CRIM1: variants seen among roughly 807,000 people sequenced by gnomAD.
CRIM1 encodes cysteine-rich motor neuron 1 protein.
A neutral mutation model predicts 116.4 loss-of-function variants in CRIM1; 32 were observed. That is an observed-to-expected ratio of 0.27 (90% CI 0.21 to 0.37). The LOEUF (loss-of-function observed/expected upper bound fraction) is 0.37, where lower values mean the gene tolerates loss of function less well. Among genes scored for constraint, CRIM1 ranks in the 10% least tolerant of loss-of-function variants. The probability of loss-of-function intolerance (pLI) is 1.00; values close to 1 mark genes in which losing one functional copy is unlikely to be tolerated. For synonymous variants in CRIM1, 590 were observed against 509.2 expected (o/e 1.16, Z -2.13); for missense variants, 1,331 against 1,354.8 (o/e 0.98, Z 0.28).
At chr2:36,414,781 T>G (rs1673478784) in intron 2 of CRIM1, among the ~76,000 whole-genome samples, 1 of 152,128 alleles carries the variant, frequency 6.6e-6, no homozygotes, top group African/African-American at 2.4e-5. Context: ...TGTAGTGTAT[T>G]GAGTGAGTGT....
At chr2:36,392,765 A>AC (rs1280368735) in intron 1 of CRIM1, among the ~76,000 whole-genome samples, 1 of 152,120 alleles carries the variant, frequency 6.6e-6, no homozygotes, top group African/African-American at 2.4e-5. Context: ...TGCTAGGGAA[A>AC]CCATTTCCCA....
chr2:36,379,700 G>T (rs1670581015), intron 1 of CRIM1, among the ~76,000 whole-genome samples: 2 of 151,106 alleles, frequency 1.3e-5, no homozygotes, highest in African/African-American at 4.9e-5. Context: ...TTGAGAGGAA[G>T]GAGGTCATAA....
intron 4 of CRIM1, among the ~76,000 whole-genome samples, chr2:36,453,982 G>A (rs1456335191): frequency 6.6e-6 from 1 of 151,310 alleles, no homozygotes; most frequent in Non-Finnish European, 1.5e-5. Flanking sequence ...AAGAAAAAGG[G>A]AATTCATGAC....
intron 14 of CRIM1, among the ~76,000 whole-genome samples, chr2:36,540,966 A>T: frequency 6.6e-6 from 1 of 152,316 alleles, no homozygotes; most frequent in Middle Eastern, 3.4e-3. Flanking sequence ...AAGATTTACT[A>T]TTGGGTTGAA....
chr2:36,544,309 T>G, intron 14 of CRIM1, 67 bp from the exon 15 acceptor site: 1 of 1,289,956 alleles, frequency 7.8e-7, no homozygotes, highest in East Asian at 2.8e-5. Context: ...CCATTTGGAT[T>G]GAGAATACAA....
In CRIM1 at chr2:36,549,446, A is replaced by C. The variant is rs1472316638; in HGVS notation, c.*745A>C. ...AGAGTCAGCACATGAACAAGATCTA[A>C]GTCATTTCTTGATGTGAGCACTGGA... On this transcript the variant is annotated 3_prime_UTR_variant, in exon 17 of 17. Coordinates refer to ENST00000280527, the MANE Select transcript of CRIM1 (RefSeq NM_016441.3). 1 of 151,896 alleles carries C rather than the reference A, an allele frequency of 6.6e-6. No homozygotes were observed. Among genetic ancestry groups the C allele is most frequent in the East Asian group, 1.9e-4 (1 of 5,154 alleles). 9.4% of individuals were successfully genotyped at this position (151,896 alleles called of 1,614,324 possible).
intron 14 of CRIM1, among the ~76,000 whole-genome samples, chr2:36,541,769 A>G (rs1271989979): frequency 6.6e-6 from 1 of 152,080 alleles, no homozygotes; most frequent in Non-Finnish European, 1.5e-5. Context: ...GCTTTGTGTA[A>G]ATCTCCCTGG....
intron 12 of CRIM1, among the ~76,000 whole-genome samples, chr2:36,517,982 C>T (rs1043330734): frequency 1.2e-4 from 19 of 152,054 alleles, no homozygotes; most frequent in African/African-American, 4.3e-4. Flanking sequence ...ATAAGGGTGG[C>T]GAAGAGACTT....
At chr2:36,542,429 GGA>G (rs1317698419) in intron 14 of CRIM1, among the ~76,000 whole-genome samples, 1 of 152,204 alleles carries the variant, frequency 6.6e-6, no homozygotes, top group African/African-American at 2.4e-5. Context: ...TCAGCTTGGT[GGA>G]GTTTCACCGG....
intron 2 of CRIM1, among the ~76,000 whole-genome samples, chr2:36,397,242 A>G (rs1458757933): frequency 1.3e-5 from 2 of 152,210 alleles, no homozygotes; most frequent in Admixed American, 6.5e-5. Context: ...GTTTTGCTGG[A>G]GGGCAGGAAT....
At chr2:36,511,233 G>A (rs1049925918) in intron 9 of CRIM1, among the ~76,000 whole-genome samples, 6 of 152,080 alleles carry the variant, frequency 3.9e-5, no homozygotes, top group Admixed American at 2.6e-4. Context: ...GAGCCACTGT[G>A]CCTGGCCTAG....
At chr2:36,397,493 T>C (rs772271980) in intron 2 of CRIM1, among the ~76,000 whole-genome samples, 2 of 152,154 alleles carry the variant, frequency 1.3e-5, no homozygotes, top group African/African-American at 4.8e-5. Flanking sequence ...GGTTTGGGTC[T>C]CAGCTCTGCC....
At chr2:36,516,880 C>T (rs861050) in intron 11 of CRIM1, among the ~76,000 whole-genome samples, 71,077 of 152,024 alleles carry the variant, frequency 0.47, 16,941 homozygotes, top group Middle Eastern at 0.54. Flanking sequence ...TTTCCTCATG[C>T]ATAAAATAAG....
intron 7 of CRIM1, among the ~76,000 whole-genome samples, chr2:36,489,402 C>A (rs1036216371): frequency 6.6e-6 from 1 of 152,268 alleles, no homozygotes; most frequent in African/African-American, 2.4e-5. Flanking sequence ...CGGAGAGGGT[C>A]GGCAAGCTCA....
chr2:36,535,806 T>A (rs1666504658), intron 13 of CRIM1, among the ~76,000 whole-genome samples: 1 of 152,226 alleles, frequency 6.6e-6, no homozygotes, highest in Non-Finnish European at 1.5e-5. Flanking sequence ...AAAATATTTT[T>A]AAAAACATAC....
intron 14 of CRIM1, among the ~76,000 whole-genome samples, chr2:36,541,014 T>C (rs1666908027): frequency 6.6e-6 from 1 of 152,244 alleles, no homozygotes; most frequent in South Asian, 2.1e-4. Flanking sequence ...GCATCTGCTG[T>C]ATTCCTGATG....
chr2:36,430,311 A>G (rs998773255), intron 2 of CRIM1, among the ~76,000 whole-genome samples: 3 of 152,200 alleles, frequency 2.0e-5, no homozygotes, highest in East Asian at 3.9e-4. Flanking sequence ...TATGATTTCC[A>G]TGTAAGGGCT....
At chr2:36,490,125 AT>A (rs1176035950) in intron 7 of CRIM1, among the ~76,000 whole-genome samples, 1 of 152,136 alleles carries the variant, frequency 6.6e-6, no homozygotes, top group African/African-American at 2.4e-5. Context: ...TTGCCATACT[AT>A]TTATCAGCTG....
chr2:36,443,331 A>G (rs1572742882), intron 4 of CRIM1, among the ~76,000 whole-genome samples: 1 of 152,182 alleles, frequency 6.6e-6, no homozygotes, highest in African/African-American at 2.4e-5. Flanking sequence ...TCTCTAGAAC[A>G]TGAGGATCTC....
Sources: gnomAD v4.1 joint callset for allele counts (sites outside exome capture counted in the v4.1 genomes callset) on GRCh38, gnomAD v4.1.1 for gene constraint, MANE v1.5 for transcripts, NCBI Gene and HGNC (gene_info 2026-07-23, HGNC 2026-07-21) for gene names.